The following TPH2 variants were observed in gnomAD, a reference collection of about 807,000 sequenced individuals.
TPH2 encodes the protein tryptophan 5-hydroxylase 2.
A neutral mutation model predicts 59.1 loss-of-function variants in TPH2; 27 were observed. The observed-to-expected ratio is 0.46, with a 90% CI of 0.34 to 0.63. The LOEUF (loss-of-function observed/expected upper bound fraction) is 0.63. TPH2 is among the 30% of genes least tolerant of loss of function. The probability of loss-of-function intolerance (pLI) is 0.01; values close to 1 mark genes in which losing one functional copy is unlikely to be tolerated. For synonymous variants in TPH2, 220 were observed against 210.5 expected, an observed-to-expected ratio of 1.05 and a Z score of -0.39; for missense variants, 523 against 588.3, an observed-to-expected ratio of 0.89 and a Z score of 1.15.
At chr12:71,949,793 A>T in intron 5 of TPH2, 138 bp downstream of exon 5, 1 of 710,792 alleles carries the variant, frequency 1.4e-6, no homozygotes, top group South Asian at 1.5e-5. Context: ...CCAACTCTGT[A>T]GGCTTTAAAT....
In TPH2 at chr12:72,022,512, A is replaced by G. The variant is rs758755043; in HGVS notation, c.1164+18A>G. The G allele has an allele frequency of 8.4e-6, 13 of 1,551,072 alleles. No homozygotes were observed. The highest frequency in any genetic ancestry group is 1.2e-5 in the Non-Finnish European group (13 of 1,122,526). The stretch of plus-strand genomic sequence containing the variant: ...AATTAAAGGTATGAAGCTGTGAATG[A>G]AAATACCCTTCCCATGCAAACTGGT... On this transcript the variant is annotated intron_variant, in intron 9 of 10. Transcript: ENST00000333850.
At chr12:72,009,952 C>T (rs1035961888) in intron 8 of TPH2, among the ~76,000 whole-genome samples, 1 of 152,180 alleles carries the variant, frequency 6.6e-6, no homozygotes, top group Non-Finnish European at 1.5e-5. Context: ...TTCTATTGCC[C>T]TTAAATTTGC....
intron 8 of TPH2, among the ~76,000 whole-genome samples, chr12:72,013,715 G>A (rs1261121185): frequency 2.0e-5 from 3 of 152,308 alleles, no homozygotes; most frequent in Non-Finnish European, 4.4e-5. Flanking sequence ...CTTGAGCAGA[G>A]AGACCATCTC....
chr12:71,977,112 C>T (rs563345903), intron 6 of TPH2, among the ~76,000 whole-genome samples: 4 of 152,218 alleles, frequency 2.6e-5, no homozygotes, highest in African/African-American at 4.8e-5. Context: ...GGTGCAGTGG[C>T]GTAAGCTCGG....
chr12:71,977,760 A>G (rs1872161620), intron 6 of TPH2, among the ~76,000 whole-genome samples: 1 of 152,234 alleles, frequency 6.6e-6, no homozygotes, highest in East Asian at 1.9e-4. Context: ...TTGAGGACTC[A>G]TTGTATGTGT....
intron 8 of TPH2, among the ~76,000 whole-genome samples, chr12:72,005,584 G>A (rs1423368470): frequency 1.3e-5 from 2 of 152,060 alleles, no homozygotes; most frequent in African/African-American, 4.8e-5. Flanking sequence ...GAGCATCGAG[G>A]TTTGCATCCA....
intron 7 of TPH2, among the ~76,000 whole-genome samples, chr12:71,982,013 G>GTTTTTTTTTTTTTTTTTTTTTTTTT (rs1468983565): frequency 3.6e-5 from 2 of 55,668 alleles, no homozygotes; most frequent in East Asian, 4.2e-4. Flanking sequence ...CATATCATTC[G>GTTTTTTTTTTTTTTTTTTTTTTTTT]TATTTTTTTT....
rs144737395 is a variant in TPH2, at chr12:71,971,937, T to A, written c.609-582T>A. Among the ~76,000 whole-genome samples the A allele has an allele frequency of 5.1e-4, 78 of 152,334 alleles. 1 individual carries two copies. In the East Asian group the frequency reaches 0.014, roughly 28 times the overall value. On this transcript the variant is annotated intron_variant, in intron 5 of 10. Transcript: ENST00000333850. The stretch of plus-strand genomic sequence containing the variant: ...CTCATCCTAAATTGAGGGGGCTTAA[T>A]GTGTGTATCTTTCAGCATGACCTGC...
chr12:71,956,416 C>T lies in TPH2; in HGVS notation c.608+6761C>T, dbSNP rs1253766460. On this transcript the variant is annotated intron_variant, in intron 5 of 10. Transcript: ENST00000333850. Reference sequence around the variant, plus strand: ...TTGTTCCCTCCCTCCCTCTCCTTCCCTCTCTCCCTCCCTCCCTCCCTTCCT... The same window carrying T: ...TTGTTCCCTCCCTCCCTCTCCTTCCTTCTCTCCCTCCCTCCCTCCCTTCCT... Among the ~76,000 whole-genome samples, 8 of 150,432 alleles carry T rather than the reference C, an allele frequency of 5.3e-5. No individual in the cohort carries two copies. In the East Asian group the frequency reaches 1.4e-3, roughly 26 times the overall value.
intron 9 of TPH2, among the ~76,000 whole-genome samples, chr12:72,028,927 T>C (rs909658177): frequency 3.3e-5 from 5 of 152,224 alleles, no homozygotes; most frequent in Non-Finnish European, 5.9e-5. Flanking sequence ...TCTTGAAGTC[T>C]GGGGCAGAGT....
At chr12:71,955,840 C>G (rs1871479413) in intron 5 of TPH2, among the ~76,000 whole-genome samples, 1 of 152,148 alleles carries the variant, frequency 6.6e-6, no homozygotes. Flanking sequence ...TTTGTATAAT[C>G]CTGACTTCTG....
rs562686847 is a variant in TPH2 at position 71,944,317 on chromosome 12, T to C, written c.279T>C (p.His93=). Residue 93 remains histidine, a synonymous_variant, in exon 3 of 11, where the codon CAT becomes CAC. Transcript: ENST00000333850. ...AGGAAAAACGTGTCAACATGGTTCA[T>C]ATTGAATCCAGGAAATCTCGGCGAA... is the stretch of plus-strand genomic sequence containing the variant. ...LFQEKRVNMV[H]IESRKSRRRS... is the part of the protein sequence containing the mutation. The C allele has an allele frequency of 1.5e-5, 25 of 1,613,814 alleles. No individual in the cohort carries two copies. The highest frequency in any genetic ancestry group is 3.3e-4 in the Middle Eastern group (2 of 6,062).
At chr12:72,022,073 G>A (rs1317444865) in intron 8 of TPH2, among the ~76,000 whole-genome samples, 2 of 152,036 alleles carry the variant, frequency 1.3e-5, no homozygotes, top group African/African-American at 2.4e-5. Context: ...TTGTTACGGA[G>A]GTATCATTGT....
intron 8 of TPH2, among the ~76,000 whole-genome samples, chr12:72,002,460 A>G (rs1872849442): frequency 6.6e-6 from 1 of 152,228 alleles, no homozygotes; most frequent in Admixed American, 6.5e-5. Flanking sequence ...AAAAGGGTGG[A>G]AGAACCGTGG....
At position 71,992,614 on chromosome 12, in the gene TPH2, GTC is replaced by G. The variant is rs199717428; in HGVS notation, c.942-1821_942-1820del. 5.3e-3 allele frequency among the ~76,000 whole-genome samples: 807 copies of G among 151,836 alleles called. 8 individuals carry two copies. The highest frequency in any genetic ancestry group is 0.015 in the African/African-American group (624 of 41,386). On this transcript the variant is annotated intron_variant, in intron 7 of 10. Coordinates refer to ENST00000333850, the MANE Select transcript of TPH2 (RefSeq NM_173353.4). ...GGGAGACCCTGATTAAAAAAAAAAA[GTC>G]TCTGTCTTTGCCAAAAGTGTGGTAG...
intron 8 of TPH2, among the ~76,000 whole-genome samples, chr12:72,002,366 A>G (rs1278723502): frequency 6.6e-6 from 1 of 152,138 alleles, no homozygotes; most frequent in Non-Finnish European, 1.5e-5. Context: ...AAGGGAAGAG[A>G]AAGAGACAGC....
At chr12:71,987,324 A>G (rs1278572650) in intron 7 of TPH2, among the ~76,000 whole-genome samples, 2 of 152,220 alleles carry the variant, frequency 1.3e-5, no homozygotes, top group Non-Finnish European at 2.9e-5. Context: ...GTTATTGAGC[A>G]TATCTTATGT....
At chr12:71,967,477 C>G (rs1312995178) in intron 5 of TPH2, among the ~76,000 whole-genome samples, 2 of 152,192 alleles carry the variant, frequency 1.3e-5, no homozygotes, top group African/African-American at 4.8e-5. Flanking sequence ...CATATCGATG[C>G]TCATACAATC....
intron 1 of TPH2, among the ~76,000 whole-genome samples, chr12:71,939,570 C>T: frequency 6.6e-6 from 1 of 152,104 alleles, no homozygotes; most frequent in East Asian, 1.9e-4. Flanking sequence ...CTATTATTTT[C>T]TCTTCTTAGT....
Sources: gnomAD v4.1 joint callset for allele counts (sites outside exome capture counted in the v4.1 genomes callset) on GRCh38, gnomAD v4.1.1 for gene constraint, MANE v1.5 for transcripts, NCBI Gene and HGNC (gene_info 2026-07-23, HGNC 2026-07-21) for gene names.